The following POTEJ variants were observed in gnomAD, a reference collection of about 807,000 sequenced individuals.
POTEJ encodes the protein POTE ankyrin domain family, member J.
A neutral mutation model predicts 69.0 loss-of-function variants in POTEJ; 11 were observed. That is an observed-to-expected ratio of 0.16 (90% confidence interval 0.10 to 0.26). POTEJ has a LOEUF of 0.26. POTEJ is among the 10% of genes least tolerant of loss of function. The pLI is 1.00. For missense variants in POTEJ, 327 were observed against 1,045.5 expected (o/e 0.31, Z 9.48); for synonymous variants, 117 against 381.1 (o/e 0.31, Z 8.07).
At chr2:130,614,179 A>G (rs1415224525) in intron 1 of POTEJ, among the ~76,000 whole-genome samples, 5 of 152,126 alleles carry the variant, frequency 3.3e-5, no homozygotes, top group Middle Eastern at 3.5e-3. Context: ...AAAAAAAAAA[A>G]AAAAGGAATG....
chr2:130,625,195 G>A (rs1440112670), intron 6 of POTEJ, among the ~76,000 whole-genome samples: 1 of 152,142 alleles, frequency 6.6e-6, no homozygotes, highest in Non-Finnish European at 1.5e-5. Context: ...TGATCTTTAA[G>A]GTGCTCATAA....
At chr2:130,615,646 C>T (rs71422875) in intron 1 of POTEJ, among the ~76,000 whole-genome samples, 1,275 of 125,898 alleles carry the variant, frequency 0.01, 66 homozygotes, top group African/African-American at 0.025. Flanking sequence ...GGAAATAGAA[C>T]GAACGGGTAC....
At chr2:130,638,368 T>A (rs1305647545) in intron 9 of POTEJ, among the ~76,000 whole-genome samples, 1 of 150,744 alleles carries the variant, frequency 6.6e-6, no homozygotes, top group African/African-American at 2.4e-5. Context: ...TTCTATTATG[T>A]CAGGCTAACG....
chr2:130,641,914 T>C (rs1176769392), intron 10 of POTEJ, among the ~76,000 whole-genome samples: 1 of 152,198 alleles, frequency 6.6e-6, no homozygotes, highest in Non-Finnish European at 1.5e-5. Flanking sequence ...AACACAGAAT[T>C]GGGACAGATG....
chr2:130,648,781 GTTTT>G (rs761289482), intron 13 of POTEJ, among the ~76,000 whole-genome samples: 379 of 81,100 alleles, frequency 4.7e-3, no homozygotes, highest in African/African-American at 9.6e-3. Flanking sequence ...CTTTCTCATA[GTTTT>G]TTTTTTTTTT....
At chr2:130,625,976 A>T (rs1685689889) in intron 6 of POTEJ, among the ~76,000 whole-genome samples, 1 of 137,534 alleles carries the variant, frequency 7.3e-6, no homozygotes, top group South Asian at 2.2e-4. Context: ...TCCCTCTTTC[A>T]GCTGTGCTGT....
chr2:130,628,735 A>T (rs1169125866), intron 6 of POTEJ, among the ~76,000 whole-genome samples: 3 of 148,502 alleles, frequency 2.0e-5, no homozygotes, highest in Admixed American at 1.3e-4. Flanking sequence ...AAAAGATAAA[A>T]ATAAGGATAA....
chr2:130,639,134 A>G (rs1187146928), intron 10 of POTEJ, among the ~76,000 whole-genome samples: 1 of 152,304 alleles, frequency 6.6e-6, no homozygotes, highest in Non-Finnish European at 1.5e-5. Flanking sequence ...GAGTGGCTGT[A>G]AATACAGATG....
intron 5 of POTEJ, chr2:130,623,024 C>A (rs561739148): frequency 6.9e-6 from 1 of 144,112 alleles, no homozygotes; most frequent in South Asian, 2.1e-4. Flanking sequence ...ATGGGTGCCA[C>A]CCAAATATTG....
chr2:130,642,415 A>C lies in POTEJ; in HGVS notation c.1370-1568A>C, dbSNP rs1422958656. Among the ~76,000 whole-genome samples the C allele has an allele frequency of 6.0e-5, 7 of 117,202 alleles. No homozygotes were observed. In the East Asian group the frequency reaches 1.5e-3, roughly 25 times the overall value. The allele number at this position is 117,202 out of a possible 152,430, so 76.9% of individuals were successfully genotyped here. Reference sequence around the variant, plus strand: ...TATAACTTTACAAAGCATCTTCCCAAACCAAATATTTACTGATTTAGTATA... The same window carrying C: ...TATAACTTTACAAAGCATCTTCCCACACCAAATATTTACTGATTTAGTATA... On this transcript the variant is annotated intron_variant, in intron 10 of 14. Coordinates refer to ENST00000409602, the MANE Select transcript of POTEJ (RefSeq NM_001277083.2).
chr2:130,639,122 A>G (rs1240920154), intron 10 of POTEJ, among the ~76,000 whole-genome samples: 4 of 152,308 alleles, frequency 2.6e-5, no homozygotes, highest in Non-Finnish European at 4.4e-5. Flanking sequence ...ATGAGCCATA[A>G]GGAGTGGCTG....
chr2:130,625,387 A>C (rs1477365600), intron 6 of POTEJ, among the ~76,000 whole-genome samples: 5 of 151,864 alleles, frequency 3.3e-5, no homozygotes, highest in African/African-American at 1.2e-4. Flanking sequence ...TTTTGTTATC[A>C]TTGTCATTTT....
rs1197845357 is a variant in POTEJ, at chr2:130,615,613, G to A, written c.411-1177G>A. On this transcript the variant is annotated intron_variant, in intron 1 of 14. Transcript: ENST00000409602. ...ACACTGGGGCCTATCAGAGGGTGGAGGGTGGGAAGAGGGAAAGAAGCAGGA... is the reference window on the plus strand; with the variant it reads ...ACACTGGGGCCTATCAGAGGGTGGAAGGTGGGAAGAGGGAAAGAAGCAGGA... Among the ~76,000 whole-genome samples, 5 of 141,262 alleles carry A rather than the reference G, an allele frequency of 3.5e-5. No homozygotes were observed. The South Asian group carries it at 8.6e-4, about 24-fold the overall frequency. 92.7% of individuals were successfully genotyped at this position (141,262 alleles called of 152,430 possible).
intron 8 of POTEJ, among the ~76,000 whole-genome samples, chr2:130,631,776 G>A (rs1358501241): frequency 7.0e-6 from 1 of 142,110 alleles, no homozygotes; most frequent in Middle Eastern, 3.6e-3. Context: ...GGCTAAAGAA[G>A]ATAGCTTCTT....
At chr2:130,613,709 C>G (rs2105194146) in intron 1 of POTEJ, among the ~76,000 whole-genome samples, 1 of 134,872 alleles carries the variant, frequency 7.4e-6, no homozygotes, top group African/African-American at 3.2e-5. Context: ...TGTATATATG[C>G]AGACATAATA....
rs544517160 is a variant in POTEJ at position 130,640,841 on chromosome 2, T to C, written c.1369+2152T>C. ...GATATTAAATATCCCAATAGACTTA[T>C]GTTTTTTCTGCCAGAAAGAATGAGG... is the stretch of plus-strand genomic sequence containing the variant. On this transcript the variant is annotated intron_variant, in intron 10 of 14. Transcript: ENST00000409602. 1.3e-3 allele frequency among the ~76,000 whole-genome samples: 194 copies of C among 152,212 alleles called. 2 individuals are homozygous for C. The highest frequency in any genetic ancestry group is 4.1e-3 in the African/African-American group (168 of 41,422).
intron 9 of POTEJ, among the ~76,000 whole-genome samples, chr2:130,636,072 C>G (rs1328574392): frequency 7.0e-6 from 1 of 143,776 alleles, no homozygotes; most frequent in Non-Finnish European, 1.5e-5. Flanking sequence ...TCTTGCCATC[C>G]TGTATCTACC....
intron 10 of POTEJ, among the ~76,000 whole-genome samples, chr2:130,641,306 A>G (rs1323970459): frequency 1.3e-5 from 2 of 152,028 alleles, no homozygotes; most frequent in South Asian, 2.1e-4. Context: ...TCAATGTATT[A>G]TAAGGTTTTC....
chr2:130,637,436 G>C (rs1686137238), intron 9 of POTEJ, among the ~76,000 whole-genome samples: 3 of 149,698 alleles, frequency 2.0e-5, no homozygotes. Flanking sequence ...GCCTCCCAAG[G>C]AGCTGGCCCT....
Sources: allele counts gnomAD v4.1 joint callset (sites outside exome capture counted in the v4.1 genomes callset), GRCh38; gene constraint gnomAD v4.1.1; transcripts MANE v1.5; gene names NCBI Gene and HGNC (gene_info 2026-07-23, HGNC 2026-07-21).